The following SORCS2 variants were observed in gnomAD, a reference collection of about 807,000 sequenced individuals.
SORCS2 encodes the protein sortilin related VPS10 domain containing receptor 2.
A neutral mutation model predicts 141.6 loss-of-function variants in SORCS2; 100 were observed. The ratio of observed to expected loss-of-function variants is 0.71; its 90% CI spans 0.60 to 0.83. The LOEUF (loss-of-function observed/expected upper bound fraction) is 0.83, where lower values mean the gene tolerates loss of function less well. SORCS2 is among the 40% of genes least tolerant of loss of function. The pLI is 0.00. For synonymous variants in SORCS2, 789 were observed against 676.9 expected (o/e 1.17, Z -2.57); for missense variants, 1,646 against 1,560.2 (o/e 1.05, Z -0.93).
At chr4:7,555,277 G>A (rs1171367332) in intron 3 of SORCS2, among the ~76,000 whole-genome samples, 1 of 152,228 alleles carries the variant, frequency 6.6e-6, no homozygotes. Context: ...GCAGTTAGGT[G>A]CAATCGCTGT....
chr4:7,548,147 AG>A (rs912395757), intron 3 of SORCS2, among the ~76,000 whole-genome samples: 15 of 152,206 alleles, frequency 9.9e-5, no homozygotes, highest in African/African-American at 3.6e-4. Context: ...TGAAAGAGGA[AG>A]GCCTTTGAGG....
intron 1 of SORCS2, among the ~76,000 whole-genome samples, chr4:7,289,812 C>T (rs1175689924): frequency 3.9e-5 from 6 of 152,194 alleles, no homozygotes; most frequent in Admixed American, 3.9e-4. Flanking sequence ...CAAATAGAGA[C>T]GGCGCTCGGC....
At chr4:7,357,395 A>G (rs1355428384) in intron 1 of SORCS2, among the ~76,000 whole-genome samples, 1 of 152,216 alleles carries the variant, frequency 6.6e-6, no homozygotes, top group East Asian at 1.9e-4. Flanking sequence ...ACTCGTAGGC[A>G]CTGGCAGCTT....
rs534187358 is a variant in SORCS2 at position 7,581,325 on chromosome 4, CA to C, written c.648+49703del. ...GTGTCATTTTTACTTTTTACATTGG[CA>C]AAAAAATACTAAGATAAATAATAAT... On this transcript the variant is annotated intron_variant, in intron 3 of 26. Coordinates refer to ENST00000507866, the MANE Select transcript of SORCS2 (RefSeq NM_020777.3). Among the ~76,000 whole-genome samples the C allele has an allele frequency of 4.5e-4, 68 of 151,784 alleles. No individual in the cohort carries two copies. The East Asian group carries it at 0.01, about 23-fold the overall frequency.
chr4:7,723,119 G>A lies in SORCS2; in HGVS notation c.2425-578G>A, dbSNP rs564867750. On this transcript the variant is annotated intron_variant, in intron 18 of 26. Transcript: ENST00000507866. ...CTCTCTGGGTGACTCGGTGCCACGC[G>A]GGGATGGCAGTTGGTGGGAGCTCCT... Among the ~76,000 whole-genome samples, 23 of 152,278 alleles carry A rather than the reference G, an allele frequency of 1.5e-4. No homozygotes were observed. In the South Asian group the frequency reaches 2.5e-3, roughly 16 times the overall value.
intron 3 of SORCS2, among the ~76,000 whole-genome samples, chr4:7,545,158 A>C (rs1265607324): frequency 7.2e-6 from 1 of 139,492 alleles, no homozygotes; most frequent in Non-Finnish European, 1.6e-5. Context: ...AAAAAAAAAA[A>C]CTCGAGCTTT....
chr4:7,516,795 C>A (rs1218421873), intron 2 of SORCS2, among the ~76,000 whole-genome samples: 1 of 152,206 alleles, frequency 6.6e-6, no homozygotes, highest in Non-Finnish European at 1.5e-5. Flanking sequence ...GTTGAATTGT[C>A]ACTCTCATCC....
chr4:7,520,187 G>A (rs574974159), intron 2 of SORCS2, among the ~76,000 whole-genome samples: 17 of 152,224 alleles, frequency 1.1e-4, no homozygotes, highest in Non-Finnish European at 2.2e-4. Flanking sequence ...GCCCAGCCAC[G>A]TGCACGCCTG....
intron 3 of SORCS2, among the ~76,000 whole-genome samples, chr4:7,561,537 T>TACC (rs1284012250): frequency 2.0e-4 from 30 of 149,568 alleles, no homozygotes; most frequent in South Asian, 4.3e-4. Flanking sequence ...TCCATCCATG[T>TACC]ATCCATTCAT....
At chr4:7,514,674 C>T (rs1732868126) in intron 2 of SORCS2, among the ~76,000 whole-genome samples, 1 of 152,086 alleles carries the variant, frequency 6.6e-6, no homozygotes, top group African/African-American at 2.4e-5. Flanking sequence ...GTACAATGGA[C>T]AGTGCTTAAC....
chr4:7,648,353 G>A lies in SORCS2; in HGVS notation c.814-5781G>A, dbSNP rs1407064523. Among the ~76,000 whole-genome samples, 1 of 152,104 alleles carries A rather than the reference G, an allele frequency of 6.6e-6. No individual in the cohort carries two copies. Among genetic ancestry groups the A allele is most frequent in the Non-Finnish European group, 1.5e-5 (1 of 68,012 alleles). ...GTCAGGGGTCATCAGGGCAGAAATG[G>A]GGACTGAGTCACTTCCTGGCAGGAG... is the stretch of plus-strand genomic sequence containing the variant. On this transcript the variant is annotated intron_variant, in intron 4 of 26. Coordinates refer to ENST00000507866, the MANE Select transcript of SORCS2 (RefSeq NM_020777.3). This position sits in a 1 kb window ranked among gnomAD's most constrained non-coding sequence, Gnocchi z 4.2.
chr4:7,521,621 A>T (rs1399122410), intron 2 of SORCS2, among the ~76,000 whole-genome samples: 2 of 152,164 alleles, frequency 1.3e-5, no homozygotes, highest in African/African-American at 4.8e-5. Context: ...GCACAGACCT[A>T]GCCTGAACTG....
chr4:7,375,888 G>T (rs1180513560), intron 1 of SORCS2, among the ~76,000 whole-genome samples: 1 of 133,024 alleles, frequency 7.5e-6, no homozygotes, highest in Non-Finnish European at 1.5e-5. Flanking sequence ...TCGGCCGCTT[G>T]TTATTCGTGC....
intron 3 of SORCS2, among the ~76,000 whole-genome samples, chr4:7,625,555 C>T (rs760114289): frequency 4.6e-5 from 7 of 151,730 alleles, no homozygotes; most frequent in African/African-American, 7.3e-5. Context: ...CCACTGGTAC[C>T]CATGCCAAGG....
At chr4:7,425,907 G>C (rs1196990254) in intron 2 of SORCS2, among the ~76,000 whole-genome samples, 1 of 152,186 alleles carries the variant, frequency 6.6e-6, no homozygotes, top group African/African-American at 2.4e-5. Context: ...CTCTGAGCTT[G>C]TGCCCCAATC....
intron 1 of SORCS2, 93 bp from the exon 2 acceptor site, chr4:7,396,195 C>A: frequency 1.6e-6 from 2 of 1,260,648 alleles, no homozygotes; most frequent in Middle Eastern, 1.9e-4. Context: ...TTTAGAGACC[C>A]CAAATTCTGG....
intron 4 of SORCS2, among the ~76,000 whole-genome samples, chr4:7,651,800 G>A (rs1560457124): frequency 6.6e-6 from 1 of 152,218 alleles, no homozygotes; most frequent in African/African-American, 2.4e-5. Flanking sequence ...GGATGGGCCA[G>A]GGCCTGTTCC....
chr4:7,425,641 C>T (rs555554572), intron 2 of SORCS2, among the ~76,000 whole-genome samples: 9 of 152,320 alleles, frequency 5.9e-5, no homozygotes, highest in South Asian at 2.1e-4. Flanking sequence ...TGCCAAATCA[C>T]ACTCATTTTA....
At chr4:7,415,761 C>T (rs926046682) in intron 2 of SORCS2, among the ~76,000 whole-genome samples, 6 of 152,352 alleles carry the variant, frequency 3.9e-5, no homozygotes, top group Non-Finnish European at 7.3e-5. Flanking sequence ...AATCGTTTCT[C>T]GATAACCTAA....
Sources: allele counts gnomAD v4.1 joint callset (sites outside exome capture counted in the v4.1 genomes callset), GRCh38; gene constraint gnomAD v4.1.1; non-coding constraint Gnocchi (gnomAD v3.1); transcripts MANE v1.5; gene names NCBI Gene and HGNC (gene_info 2026-07-23, HGNC 2026-07-21).